Variants in AKR1C3 observed in about 807,000 individuals in gnomAD.
The protein encoded by AKR1C3 is aldo-keto reductase family 1 member C3.
AKR1C3 carries 48 observed loss-of-function variants against 43.6 expected under a neutral mutation model. The observed-to-expected ratio is 1.10, with a 90% CI of 0.87 to 1.40. AKR1C3 has a LOEUF of 1.40. Ranked by LOEUF, AKR1C3 falls within the 40% of genes most tolerant of loss-of-function variation. AKR1C3 has a pLI of 0.00. For missense variants in AKR1C3, 482 were observed against 391.2 expected, an observed-to-expected ratio of 1.23 and a Z score of -1.96; for synonymous variants, 162 against 139.6, an observed-to-expected ratio of 1.16 and a Z score of -1.13.
chr10:5,090,617 G>T (rs1481562601), upstream of AKR1C3, among the ~76,000 whole-genome samples: 1 of 152,118 alleles, frequency 6.6e-6, no homozygotes, highest in Admixed American at 6.5e-5. Context: ...AGAAGGAGAG[G>T]CTCCACCTTT....
At chr10:5,087,615 A>C (rs1342448117) in intron 1 of AKR1C3, among the ~76,000 whole-genome samples, 2 of 151,688 alleles carry the variant, frequency 1.3e-5, no homozygotes, top group East Asian at 3.9e-4. Flanking sequence ...ACCTCAAGTG[A>C]CCCTGCCTCA....
At chr10:5,099,694 C>A in intron 5 of AKR1C3, 1 of 580,400 alleles carries the variant, frequency 1.7e-6, no homozygotes, top group Non-Finnish European at 2.8e-6. Flanking sequence ...TCCATTTGAT[C>A]AGGGAGGCCT....
chr10:5,103,114 C>G (rs1429812827), intron 7 of AKR1C3, among the ~76,000 whole-genome samples: 1 of 152,116 alleles, frequency 6.6e-6, no homozygotes, highest in Non-Finnish European at 1.5e-5. Flanking sequence ...TAGTTCCAAA[C>G]TCCTGACCTC....
intron 4 of AKR1C3, among the ~76,000 whole-genome samples, 160 bp downstream of exon 4, chr10:5,099,039 A>G (rs2131842551): frequency 6.6e-6 from 1 of 152,316 alleles, no homozygotes; most frequent in East Asian, 1.9e-4. Flanking sequence ...CACAAAAGGA[A>G]TGTTTAGAGA....
chr10:5,094,236 T>A, upstream of AKR1C3: 1 of 376,492 alleles, frequency 2.7e-6, no homozygotes, highest in African/African-American at 2.1e-5. Context: ...AATAATTTAC[T>A]TAGGAATTCT....
At chr10:5,077,624 G>A (rs1838741322) in intron 1 of AKR1C3, 1 of 1,035,514 alleles carries the variant, frequency 9.7e-7, no homozygotes, top group Non-Finnish European at 1.2e-6. Flanking sequence ...TGCCTGTCTG[G>A]GCAAGGAGTT....
At chr10:5,075,690 C>T (rs181482090) in intron 1 of AKR1C3, among the ~76,000 whole-genome samples, 30 of 152,136 alleles carry the variant, frequency 2.0e-4, no homozygotes, top group Non-Finnish European at 4.0e-4. Flanking sequence ...GCCTGACCAA[C>T]GTGAAGAAAC....
intron 5 of AKR1C3, among the ~76,000 whole-genome samples, chr10:5,100,872 TTGCC>T (rs558831780): frequency 1.3e-3 from 196 of 152,320 alleles, no homozygotes; most frequent in African/African-American, 4.5e-3. Context: ...CTTTGCCACA[TTGCC>T]AAATATTTAT....
chr10:5,098,628 C>T (rs1554785511), intron 3 of AKR1C3, among the ~76,000 whole-genome samples, 174 bp from the exon 4 acceptor site: 2 of 152,210 alleles, frequency 1.3e-5, no homozygotes, highest in African/African-American at 4.8e-5. Context: ...GGAAGCCTGT[C>T]TCCTGAATAC....
At chr10:5,097,668 G>C in intron 3 of AKR1C3, 118 bp downstream of exon 3, 1 of 1,574,830 alleles carries the variant, frequency 6.3e-7, no homozygotes, top group South Asian at 1.2e-5. Context: ...CACAGAAGAA[G>C]AACCGTAAGT....
chr10:5,056,627 A>G (rs1838267172), intron 1 of AKR1C3, among the ~76,000 whole-genome samples: 1 of 152,134 alleles, frequency 6.6e-6, no homozygotes, highest in Non-Finnish European at 1.5e-5. Flanking sequence ...CCTGATTTGG[A>G]CTGAGTGGGC....
At chr10:5,082,925 C>A (rs1838867625) in intron 1 of AKR1C3, among the ~76,000 whole-genome samples, 1 of 152,084 alleles carries the variant, frequency 6.6e-6, no homozygotes, top group South Asian at 2.1e-4. Context: ...TGGTCCCACG[C>A]TATTTTTCAC....
intron 7 of AKR1C3, among the ~76,000 whole-genome samples, 159 bp downstream of exon 7, chr10:5,102,809 C>G (rs587719360): frequency 1.3e-5 from 2 of 152,140 alleles, no homozygotes; most frequent in Non-Finnish European, 2.9e-5. Context: ...TACTCTACCA[C>G]GGGAGAGGCA....
At chr10:5,074,878 T>G (rs1838679424) in intron 1 of AKR1C3, among the ~76,000 whole-genome samples, 1 of 152,196 alleles carries the variant, frequency 6.6e-6, no homozygotes, top group Non-Finnish European at 1.5e-5. Flanking sequence ...TACCCCATTT[T>G]GTCTGTGTTA....
chr10:5,065,004 G>T (rs1838469296), intron 1 of AKR1C3, among the ~76,000 whole-genome samples: 1 of 148,854 alleles, frequency 6.7e-6, no homozygotes, highest in African/African-American at 2.5e-5. Context: ...ACAAGCATAT[G>T]AAAAAAATGT....
At chr10:5,083,795 T>C (rs1554782661) in intron 1 of AKR1C3, among the ~76,000 whole-genome samples, 1 of 152,290 alleles carries the variant, frequency 6.6e-6, no homozygotes, top group East Asian at 1.9e-4. Flanking sequence ...TGGTATCTCA[T>C]TGTGGTTTTG....
chr10:5,054,043 CGTT>C (rs1454234459), intron 1 of AKR1C3, among the ~76,000 whole-genome samples: 2 of 152,148 alleles, frequency 1.3e-5, no homozygotes, highest in Non-Finnish European at 2.9e-5. Flanking sequence ...ATTTGAAAGG[CGTT>C]GTCTGATTTC....
upstream of AKR1C3, chr10:5,094,380 A>ATTGTT (rs1276315870): frequency 7.5e-6 from 12 of 1,595,846 alleles, no homozygotes; most frequent in Non-Finnish European, 9.4e-6. Flanking sequence ...TTTCCTGCCC[A>ATTGTT]TTGTTTTTGT....
intron 1 of AKR1C3, among the ~76,000 whole-genome samples, chr10:5,059,927 A>AG (rs60855365): frequency 0.048 from 7,315 of 152,202 alleles, 214 homozygotes; most frequent in East Asian, 0.16. Context: ...CAGTTCTTAA[A>AG]GGCAGCATGT....
Sources: allele counts gnomAD v4.1 joint callset (sites outside exome capture counted in the v4.1 genomes callset), GRCh38; gene constraint gnomAD v4.1.1; transcripts MANE v1.5; gene names NCBI Gene and HGNC (gene_info 2026-07-23, HGNC 2026-07-21).